CAPN9: variants seen among roughly 807,000 people sequenced by gnomAD.
CAPN9 encodes the protein calpain-9.
A neutral mutation model predicts 92.8 loss-of-function variants in CAPN9; 81 were observed. That is an observed-to-expected ratio of 0.87 (90% CI 0.73 to 1.05). CAPN9 has a LOEUF of 1.05. Among genes scored for constraint, CAPN9 ranks in the 50% least tolerant of loss-of-function variants. The pLI, the probability that CAPN9 is intolerant of heterozygous loss-of-function variation, is 0.00. For synonymous variants in CAPN9, 304 were observed against 328.0 expected (o/e 0.93, Z 0.79); for missense variants, 848 against 866.2 (o/e 0.98, Z 0.26).
At position 230,751,571 on chromosome 1, in the gene CAPN9, AAAG is replaced by A. The variant is rs1326201826; in HGVS notation, c.214-3760_214-3758del. On this transcript the variant is annotated intron_variant, in intron 1 of 19. Transcript: ENST00000271971. ...AAAGAAAGGAAGAAGAGAAAGAAAG[AAAG>A]AAGAAAGAAACAAAGAAAGAAAGAA... Among the ~76,000 whole-genome samples, 20 of 104,418 alleles carry A rather than the reference AAAG, an allele frequency of 1.9e-4. 1 individual carries two copies. The highest frequency in any genetic ancestry group is 8.1e-4 in the African/African-American group (20 of 24,672). 68.5% of individuals were successfully genotyped at this position (104,418 alleles called of 152,430 possible).
At chr1:230,771,630 C>T (rs4520425) in intron 6 of CAPN9, among the ~76,000 whole-genome samples, 25,696 of 152,254 alleles carry the variant, frequency 0.17, 2,286 homozygotes, top group Middle Eastern at 0.22. Flanking sequence ...TTACCATTCA[C>T]TCTGCTAGAT....
At chr1:230,797,139 T>C (rs1038468100) in intron 18 of CAPN9, among the ~76,000 whole-genome samples, 5 of 152,168 alleles carry the variant, frequency 3.3e-5, no homozygotes, top group African/African-American at 1.2e-4. Context: ...TCTGTTAGAA[T>C]CTCAGGGGTG....
At chr1:230,788,751 A>G (rs1667778651) in intron 13 of CAPN9, among the ~76,000 whole-genome samples, 1 of 151,892 alleles carries the variant, frequency 6.6e-6, no homozygotes, top group African/African-American at 2.4e-5. Context: ...GTGAGGGGGG[A>G]AGGCAGTGGT....
intron 17 of CAPN9, among the ~76,000 whole-genome samples, chr1:230,793,356 C>T (rs961583554): frequency 3.9e-5 from 6 of 152,280 alleles, no homozygotes; most frequent in Admixed American, 6.5e-5. Flanking sequence ...GTTTGGGGTC[C>T]GCACGTCCCT....
rs140717051 is a variant in CAPN9 at position 230,780,201 on chromosome 1, A to G, written c.1137A>G (p.Gln379=). Residue 379 remains glutamine, a synonymous_variant, in exon 10 of 20, where the codon CAA becomes CAG. Coordinates refer to ENST00000271971, the MANE Select transcript of CAPN9 (RefSeq NM_006615.3). ...CAGATACCTTTTGGACCAATCCACA[A>G]ATAAAATTGTCTCTGACTGAGAAAG... ...NFLDTFWTNP[Q]IKLSLTEKDE... is the part of the protein sequence containing the mutation. 6.0e-4 allele frequency: 972 copies of G among 1,613,732 alleles called. No homozygotes were observed. Among genetic ancestry groups the G allele is most frequent in the Non-Finnish European group, 7.3e-4 (864 of 1,179,938 alleles).
rs28741096 is a variant in CAPN9, at chr1:230,784,787, C to T, written c.1482-1194C>T. 5.7e-3 allele frequency among the ~76,000 whole-genome samples: 868 copies of T among 152,366 alleles called. 5 individuals carry two copies. Among genetic ancestry groups the T allele is most frequent in the Middle Eastern group, 0.024 (7 of 294 alleles). On this transcript the variant is annotated intron_variant, in intron 11 of 19. Transcript: ENST00000271971. ...TGGGGAAATGTGAGGTTCAAGGTCT[C>T]GCACAGAGTCCCCACTGGGGTACTG...
At chr1:230,762,570 C>T (rs1572027238) in intron 3 of CAPN9, 83 bp from the exon 4 acceptor site, 1 of 1,518,802 alleles carries the variant, frequency 6.6e-7, no homozygotes, top group East Asian at 2.3e-5. Context: ...GGGAAAAAAG[C>T]AACAGGATCA....
At chr1:230,787,803 G>T (rs2102917958) in intron 13 of CAPN9, among the ~76,000 whole-genome samples, 2 of 152,308 alleles carry the variant, frequency 1.3e-5, no homozygotes, top group South Asian at 4.1e-4. Context: ...CTGCGGCTGT[G>T]GATGGGGCCA....
intron 11 of CAPN9, 23 bp downstream of exon 11, chr1:230,780,731 A>G: frequency 6.3e-7 from 1 of 1,594,074 alleles, no homozygotes. Context: ...AACAGCTTCC[A>G]GAATCCCACT....
chr1:230,772,562 A>G (rs918369423), intron 7 of CAPN9, among the ~76,000 whole-genome samples: 3 of 152,126 alleles, frequency 2.0e-5, no homozygotes, highest in African/African-American at 7.2e-5. Context: ...ACCATGGCAG[A>G]GGCCCAATAG....
At chr1:230,775,644 A>C (rs1458199073) in intron 8 of CAPN9, among the ~76,000 whole-genome samples, 1 of 152,118 alleles carries the variant, frequency 6.6e-6, no homozygotes, top group African/African-American at 2.4e-5. Context: ...ACAGCAGGGC[A>C]CGGTGGCTCA....
At chr1:230,752,573 C>T in intron 1 of CAPN9, 9 of 564,746 alleles carry the variant, frequency 1.6e-5, no homozygotes, top group Non-Finnish European at 1.8e-5. Context: ...GTTGGCGGGG[C>T]CAGGCCTGCA....
In CAPN9 at chr1:230,786,663, G is replaced by C. The variant is rs184590792; in HGVS notation, c.1518+646G>C. ...GGCCTTCCCGAGCTCTATTTGTCAG[G>C]GTTTTCTTAACATTAGTGACTTCAT... On this transcript the variant is annotated intron_variant, in intron 12 of 19. Transcript: ENST00000271971. Among the ~76,000 whole-genome samples the C allele has an allele frequency of 1.6e-4, 24 of 152,140 alleles. 1 individual carries two copies. The highest frequency in any genetic ancestry group is 1.4e-3 in the Admixed American group (22 of 15,290).
chr1:230,782,954 T>A (rs1429136489), intron 11 of CAPN9, among the ~76,000 whole-genome samples: 2 of 152,094 alleles, frequency 1.3e-5, no homozygotes, highest in African/African-American at 4.8e-5. Flanking sequence ...GAGGCAGAGG[T>A]TGCAGTGAGC....
At chr1:230,784,971 C>T (rs1667478286) in intron 11 of CAPN9, among the ~76,000 whole-genome samples, 1 of 152,214 alleles carries the variant, frequency 6.6e-6, no homozygotes, top group Non-Finnish European at 1.5e-5. Flanking sequence ...CCTTGGGATC[C>T]CACCCTTTGT....
At chr1:230,749,277 G>A (rs1034540367) in intron 1 of CAPN9, among the ~76,000 whole-genome samples, 6 of 152,214 alleles carry the variant, frequency 3.9e-5, no homozygotes, top group South Asian at 2.1e-4. Context: ...GGCAGATCAC[G>A]TGGGGTTGCA....
In CAPN9 at chr1:230,768,657, T is replaced by C. The variant is rs921063193; in HGVS notation, c.706-523T>C. ...CACACACACTTATAATTTTATCTCATCTTTTTAAAACTTTTTGTTGTTTTT... is the reference window on the plus strand; with the variant it reads ...CACACACACTTATAATTTTATCTCACCTTTTTAAAACTTTTTGTTGTTTTT... On this transcript the variant is annotated intron_variant, in intron 5 of 19. Coordinates refer to ENST00000271971, the MANE Select transcript of CAPN9 (RefSeq NM_006615.3). Among the ~76,000 whole-genome samples the C allele has an allele frequency of 2.0e-5, 3 of 152,208 alleles. No individual in the cohort carries two copies. In the South Asian group the frequency reaches 6.2e-4, roughly 31 times the overall value.
At chr1:230,777,570 T>C (rs962045586) in intron 8 of CAPN9, among the ~76,000 whole-genome samples, 1 of 152,016 alleles carries the variant, frequency 6.6e-6, no homozygotes, top group Non-Finnish European at 1.5e-5. Flanking sequence ...AAGCCTCTCT[T>C]GACCCACTCA....
rs1418101343 is a variant in CAPN9, at chr1:230,801,669, G to A, written c.*73G>A. The A allele has an allele frequency of 7.2e-6, 10 of 1,380,956 alleles. No homozygotes were observed. Among genetic ancestry groups the A allele is most frequent in the Non-Finnish European group, 1.0e-5 (10 of 967,222 alleles). 85.5% of individuals were successfully genotyped at this position (1,380,956 alleles called of 1,614,324 possible). ...GACCTTGACCTTCAGAACTTCTCTT[G>A]GTGTGGAACCATTACGCCCAGGGTT... On this transcript the variant is annotated 3_prime_UTR_variant, in exon 20 of 20. Transcript: ENST00000271971.
Sources: allele counts gnomAD v4.1 joint callset (sites outside exome capture counted in the v4.1 genomes callset), GRCh38; gene constraint gnomAD v4.1.1; transcripts MANE v1.5; gene names NCBI Gene and HGNC (gene_info 2026-07-23, HGNC 2026-07-21).